TBL1Y: variants seen among roughly 807,000 people sequenced by gnomAD.
TBL1Y encodes the protein transducin beta like 1 Y-linked.
In TBL1Y, 15 loss-of-function variants were observed where a neutral mutation model predicts 12.0. That is an observed-to-expected ratio of 1.25 (90% CI 0.83 to 1.92). The LOEUF is 1.92. Among genes scored for constraint, TBL1Y ranks in the 40% most tolerant of loss-of-function variants. The pLI, the probability that TBL1Y is intolerant of heterozygous loss-of-function variation, is 0.00. For missense variants in TBL1Y, 148 were observed against 116.7 expected (o/e 1.27, Z -1.24); for synonymous variants, 53 against 42.6 (o/e 1.24, Z -0.95).
intron 2 of TBL1Y, among the ~76,000 whole-genome samples, chrY:6,960,478 A>C: frequency 3.0e-5 from 1 of 33,445 alleles, no homozygotes; most frequent in Non-Finnish European, 7.4e-5. Context: ...GACCAACAAC[A>C]GGACTAACTT....
chrY:6,989,447 A>G, intron 3 of TBL1Y, among the ~76,000 whole-genome samples: 1 of 33,645 alleles, frequency 3.0e-5, no homozygotes, highest in East Asian at 7.7e-4. Context: ...CCATCCCACA[A>G]GGGACATCTC....
chrY:7,037,307 C>T, intron 6 of TBL1Y, among the ~76,000 whole-genome samples: 1 of 33,518 alleles, frequency 3.0e-5, no homozygotes, highest in Non-Finnish European at 7.4e-5. Context: ...TAGTAGTTAA[C>T]AGATAACTAT....
At chrY:7,086,783 T>A in intron 16 of TBL1Y, among the ~76,000 whole-genome samples, 1 of 30,205 alleles carries the variant, frequency 3.3e-5, no homozygotes. Context: ...GGAGAATCTC[T>A]TGAACCCAGG....
intron 4 of TBL1Y, among the ~76,000 whole-genome samples, chrY:6,996,208 G>C: frequency 3.0e-5 from 1 of 33,327 alleles, no homozygotes; most frequent in South Asian, 6.8e-4. Context: ...TCTGGCCAGA[G>C]GGTCAGGAAG....
At chrY:6,961,779 A>G (rs2012128585) in intron 2 of TBL1Y, among the ~76,000 whole-genome samples, 1 of 33,241 alleles carries the variant, frequency 3.0e-5, no homozygotes, top group Non-Finnish European at 7.4e-5. Context: ...TGTTTAACCA[A>G]TTGAGCTTTG....
At position 6,980,644 on chromosome Y, in the gene TBL1Y, A is replaced by G; in HGVS notation, c.-235+2401A>G. Among the ~76,000 whole-genome samples, 5 of 33,847 alleles carry G rather than the reference A, an allele frequency of 1.5e-4. No homozygotes were observed. In the South Asian group the frequency reaches 3.3e-3, roughly 22 times the overall value. 90.8% of individuals were successfully genotyped at this position (33,847 alleles called of 37,273 possible). The stretch of plus-strand genomic sequence containing the variant: ...TTCCTGCTTATGTGATAACCATTCT[A>G]CAAGGTCCTTGAGCTCCTGCAAGGA... On this transcript the variant is annotated intron_variant, in intron 3 of 18. Transcript: ENST00000383032.
At chrY:7,028,540 G>T (rs2012637150) in intron 6 of TBL1Y, among the ~76,000 whole-genome samples, 1 of 34,506 alleles carries the variant, frequency 2.9e-5, no homozygotes, top group African/African-American at 1.1e-4. Context: ...CAGGGCCTTT[G>T]CCATGAGAAG....
At chrY:7,085,161 T>TACAC (rs35028329) in intron 14 of TBL1Y, among the ~76,000 whole-genome samples, 7 of 16,919 alleles carry the variant, frequency 4.1e-4, no homozygotes, top group Non-Finnish European at 6.3e-4. Flanking sequence ...CTGTAAAAAA[T>TACAC]ACACACACAC....
intron 2 of TBL1Y, among the ~76,000 whole-genome samples, chrY:6,936,012 T>C (rs2011901015): frequency 5.9e-5 from 2 of 34,069 alleles, no homozygotes; most frequent in Non-Finnish European, 1.5e-4. Context: ...TCTAAGGAGC[T>C]CCCAGTTGAC....
At chrY:7,078,710 C>G in intron 13 of TBL1Y, among the ~76,000 whole-genome samples, 1 of 33,961 alleles carries the variant, frequency 2.9e-5, no homozygotes, top group Non-Finnish European at 7.3e-5. Flanking sequence ...CAGAGGTCCT[C>G]TACATATGAA....
At chrY:6,972,975 C>G in intron 2 of TBL1Y, among the ~76,000 whole-genome samples, 6 of 32,653 alleles carry the variant, frequency 1.8e-4, no homozygotes, top group Admixed American at 1.7e-3. Flanking sequence ...TTCTGGCCAC[C>G]CATGCCTGCT....
At chrY:7,044,586 C>T in intron 7 of TBL1Y, among the ~76,000 whole-genome samples, 1 of 33,499 alleles carries the variant, frequency 3.0e-5, no homozygotes, top group African/African-American at 1.2e-4. Context: ...ATTTAAAAAC[C>T]TCTTTTAGAA....
chrY:6,927,896 G>T (rs2011837954), intron 2 of TBL1Y, among the ~76,000 whole-genome samples: 6 of 31,213 alleles, frequency 1.9e-4, no homozygotes, highest in Non-Finnish European at 3.9e-4. Context: ...GTTTTTTTTT[G>T]TTGTTGTTGT....
chrY:7,062,715 C>G, intron 7 of TBL1Y, among the ~76,000 whole-genome samples: 2 of 33,285 alleles, frequency 6.0e-5, no homozygotes, highest in East Asian at 8.1e-4. Context: ...AATTTCCCCA[C>G]TGGAAATTTC....
intron 6 of TBL1Y, among the ~76,000 whole-genome samples, chrY:7,027,942 A>C: frequency 3.1e-5 from 1 of 32,750 alleles, no homozygotes; most frequent in Admixed American, 2.8e-4. Context: ...CTGGGTTCCC[A>C]TATCCAGTAA....
chrY:6,981,782 AG>A (rs2012283691), intron 3 of TBL1Y, among the ~76,000 whole-genome samples: 12 of 33,099 alleles, frequency 3.6e-4, no homozygotes, highest in Admixed American at 3.3e-3. Context: ...CAATTATCTG[AG>A]AGTTTTGGTC....
At chrY:6,913,351 G>A in intron 2 of TBL1Y, among the ~76,000 whole-genome samples, 1 of 32,181 alleles carries the variant, frequency 3.1e-5, no homozygotes, top group East Asian at 8.1e-4. Flanking sequence ...TTATCTAGTG[G>A]AGGCTCGGTT....
intron 4 of TBL1Y, among the ~76,000 whole-genome samples, chrY:7,000,017 G>A: frequency 6.3e-5 from 2 of 31,837 alleles, no homozygotes; most frequent in African/African-American, 2.5e-4. Flanking sequence ...CTACAGAATA[G>A]GAGTCTTCTT....
chrY:6,982,438 G>C, intron 3 of TBL1Y, among the ~76,000 whole-genome samples: 1 of 32,783 alleles, frequency 3.1e-5, no homozygotes, highest in African/African-American at 1.2e-4. Flanking sequence ...CTGCGTGACG[G>C]TGAGACCCTG....
Sources: allele counts gnomAD v4.1 joint callset (sites outside exome capture counted in the v4.1 genomes callset), GRCh38; gene constraint gnomAD v4.1.1; transcripts MANE v1.5; gene names NCBI Gene and HGNC (gene_info 2026-07-23, HGNC 2026-07-21).